The following CELF4 variants were observed in gnomAD, a reference collection of about 807,000 sequenced individuals.
CELF4 encodes CUGBP Elav-like family member 4, also known as CUG-BP- and ETR-3-like factor 4.
A neutral mutation model predicts 59.9 loss-of-function variants in CELF4; 18 were observed. The ratio of observed to expected loss-of-function variants is 0.30; its 90% CI spans 0.21 to 0.45. The LOEUF (loss-of-function observed/expected upper bound fraction) is 0.45, where lower values mean the gene tolerates loss of function less well. CELF4 is among the 20% of genes least tolerant of loss of function. The pLI, the probability that CELF4 is intolerant of heterozygous loss-of-function variation, is 1.00. For synonymous variants in CELF4, 261 were observed against 267.1 expected (o/e 0.98, Z 0.22); for missense variants, 456 against 689.0 (o/e 0.66, Z 3.79).
chr18:37,474,208 C>A (rs1447313179), intron 2 of CELF4, among the ~76,000 whole-genome samples: 1 of 152,184 alleles, frequency 6.6e-6, no homozygotes. Flanking sequence ...GGAAGGGTGG[C>A]CACTTAGAAA....
chr18:37,266,845 C>G (rs751526125), intron 8 of CELF4, among the ~76,000 whole-genome samples: 1 of 152,046 alleles, frequency 6.6e-6, no homozygotes, highest in African/African-American at 2.4e-5. Flanking sequence ...TGCAGTTGGC[C>G]TAGGGCTGGG....
chr18:37,331,837 C>G (rs1370067434), intron 2 of CELF4, among the ~76,000 whole-genome samples: 1 of 151,790 alleles, frequency 6.6e-6, no homozygotes, highest in East Asian at 1.9e-4. Context: ...CGGCAAGTCG[C>G]CGAGGGTGGG....
In CELF4 at chr18:37,274,853, G is replaced by T; in HGVS notation, c.609C>A (p.Ala203=). The change falls in exon 5 of 13, where the codon GCC becomes GCA. Residue 203 remains alanine, a synonymous_variant. Coordinates refer to ENST00000420428, the MANE Select transcript of CELF4 (RefSeq NM_020180.4). ...GCGCGTTGATGGCGGCCTGCGCCTCGGCGTGGGAGGAGTACTTCACAAAGG... is the reference window on the plus strand; with the variant it reads ...GCGCGTTGATGGCGGCCTGCGCCTCTGCGTGGGAGGAGTACTTCACAAAGG... ...GCAFVKYSSH[A]EAQAAINALH... is the part of the protein sequence containing the mutation. 6.2e-7 allele frequency: 1 copy of T among 1,607,994 alleles called. No individual in the cohort carries two copies. The highest frequency in any genetic ancestry group is 8.5e-7 in the Non-Finnish European group (1 of 1,178,200).
intron 1 of CELF4, among the ~76,000 whole-genome samples, chr18:37,524,472 C>A (rs1028712849): frequency 4.6e-5 from 7 of 152,338 alleles, no homozygotes; most frequent in Non-Finnish European, 5.9e-5. Context: ...CGAATGTTCT[C>A]CCCTGTTCCC....
intron 2 of CELF4, among the ~76,000 whole-genome samples, chr18:37,424,158 T>A (rs2099597637): frequency 1.3e-5 from 2 of 152,156 alleles, no homozygotes; most frequent in African/African-American, 4.8e-5. Flanking sequence ...TAATATGTGG[T>A]TCCTGCAAGG....
At chr18:37,378,143 C>G (rs921266005) in intron 2 of CELF4, among the ~76,000 whole-genome samples, 3 of 152,188 alleles carry the variant, frequency 2.0e-5, no homozygotes, top group Non-Finnish European at 4.4e-5. Flanking sequence ...TGACCCTCTC[C>G]CCAGTTCTTT....
At position 37,254,553 on chromosome 18, in the gene CELF4, C is replaced by T. The variant is rs1013345499; in HGVS notation, c.1334-615G>A. ...CCCCACTCCCGGCCTCTGCCCGCCC[C>T]GCCAGGCTCCGGGTGGGCCCTGGGC... On this transcript the variant is annotated intron_variant, in intron 11 of 12. Coordinates refer to ENST00000420428, the MANE Select transcript of CELF4 (RefSeq NM_020180.4). The surrounding 1 kb of genome is among the most constrained non-coding windows in gnomAD (Gnocchi z 5.1). Among the ~76,000 whole-genome samples, 3 of 152,142 alleles carry T rather than the reference C, an allele frequency of 2.0e-5. No individual in the cohort carries two copies. The highest frequency in any genetic ancestry group is 4.8e-5 in the African/African-American group (2 of 41,464).
At chr18:37,392,698 T>G (rs1431924102) in intron 2 of CELF4, among the ~76,000 whole-genome samples, 1 of 152,206 alleles carries the variant, frequency 6.6e-6, no homozygotes, top group East Asian at 1.9e-4. Flanking sequence ...AAAAGCATTC[T>G]GCAATTCACA....
chr18:37,354,010 C>A (rs1430258314), intron 2 of CELF4, among the ~76,000 whole-genome samples: 4 of 152,136 alleles, frequency 2.6e-5, no homozygotes, highest in Non-Finnish European at 5.9e-5. Flanking sequence ...CCGCCTCGGC[C>A]TCCCAAAGTG....
chr18:37,387,624 C>CT (rs1281453389), intron 2 of CELF4, among the ~76,000 whole-genome samples: 3 of 152,168 alleles, frequency 2.0e-5, no homozygotes, highest in African/African-American at 7.2e-5. Context: ...TGGTCTGGGG[C>CT]TTTTTCTGGC....
chr18:37,488,907 C>T (rs960436278), intron 1 of CELF4, among the ~76,000 whole-genome samples: 1 of 152,224 alleles, frequency 6.6e-6, no homozygotes, highest in African/African-American at 2.4e-5. Flanking sequence ...CCCACCCCAG[C>T]GTCCTCATCT....
chr18:37,385,171 A>G (rs2154571175), intron 2 of CELF4, among the ~76,000 whole-genome samples: 1 of 151,986 alleles, frequency 6.6e-6, no homozygotes, highest in Non-Finnish European at 1.5e-5. Context: ...ACATGGTGAA[A>G]CCCTATCTCT....
rs535962329 is a variant in CELF4 at position 37,346,153 on chromosome 18, GC to G, written c.370-24273del. Among the ~76,000 whole-genome samples the G allele has an allele frequency of 9.2e-5, 14 of 152,306 alleles. 1 individual carries two copies. The South Asian group carries it at 2.9e-3, about 32-fold the overall frequency. On this transcript the variant is annotated intron_variant, in intron 2 of 12. Transcript: ENST00000420428. ...CTTCTATGTCTGCTGGAGGATGAGG[GC>G]TCCCTATGTCAAGAACAGTGCCTGC...
intron 2 of CELF4, among the ~76,000 whole-genome samples, chr18:37,358,803 A>G (rs549647191): frequency 2.9e-4 from 40 of 138,392 alleles, no homozygotes; most frequent in Admixed American, 2.3e-4. Context: ...GTAGGAGTTC[A>G]GCAAAGACCT....
chr18:37,547,112 C>T (rs2099981638), intron 1 of CELF4, among the ~76,000 whole-genome samples: 1 of 151,838 alleles, frequency 6.6e-6, no homozygotes, highest in Non-Finnish European at 1.5e-5. Context: ...CCCTGGCGAA[C>T]TCCTTACAAC....
chr18:37,314,755 G>A (rs554838162), intron 3 of CELF4, among the ~76,000 whole-genome samples: 13 of 152,184 alleles, frequency 8.5e-5, no homozygotes, highest in South Asian at 4.2e-4. Context: ...ACATTCTCAC[G>A]GCCAGCTCAG....
chr18:37,487,247 T>TCCTG (rs1427444186), intron 1 of CELF4, among the ~76,000 whole-genome samples: 1 of 152,176 alleles, frequency 6.6e-6, no homozygotes, highest in Non-Finnish European at 1.5e-5. Flanking sequence ...ATGTAGAAAT[T>TCCTG]CCTGCCTCCC....
At chr18:37,275,052 C>G (rs2154362457) in intron 4 of CELF4, 63 bp downstream of exon 4, 1 of 1,585,718 alleles carries the variant, frequency 6.3e-7, no homozygotes, top group East Asian at 2.2e-5. Context: ...CAGAGGAGCC[C>G]TCTGGTCTCC....
At chr18:37,375,242 A>G (rs976629087) in intron 2 of CELF4, among the ~76,000 whole-genome samples, 1 of 152,158 alleles carries the variant, frequency 6.6e-6, no homozygotes, top group African/African-American at 2.4e-5. Context: ...CTGGCAAACA[A>G]ATGAATTGCA....
Sources: allele counts gnomAD v4.1 joint callset (sites outside exome capture counted in the v4.1 genomes callset), GRCh38; gene constraint gnomAD v4.1.1; non-coding constraint Gnocchi (gnomAD v3.1); transcripts MANE v1.5; gene names NCBI Gene and HGNC (gene_info 2026-07-23, HGNC 2026-07-21).